Variants in MSH5 observed in about 807,000 individuals in gnomAD.
MSH5 encodes the protein mutS homolog 5.
A neutral mutation model predicts 107.7 loss-of-function variants in MSH5; 78 were observed. That is an observed-to-expected ratio of 0.72 (90% CI 0.60 to 0.87). The LOEUF is 0.87. Ranked by LOEUF, MSH5 falls within the 40% of genes least tolerant of loss-of-function variation. MSH5 has a pLI of 0.00. For synonymous variants in MSH5, 326 were observed against 399.5 expected, an observed-to-expected ratio of 0.82 and a Z score of 2.19; for missense variants, 889 against 1,046.6, an observed-to-expected ratio of 0.85 and a Z score of 2.08.
chr6:31,762,384 T>C, intron 24 of MSH5, 36 bp from the exon 25 acceptor site: 5 of 1,508,276 alleles, frequency 3.3e-6, no homozygotes, highest in Non-Finnish European at 4.6e-6. Context: ...GGTTGTCCAT[T>C]CTGCCATAAA....
At chr6:31,746,420 T>C (rs1809472789) in intron 9 of MSH5, 1 of 150,814 alleles carries the variant, frequency 6.6e-6, no homozygotes, top group Admixed American at 6.6e-5. Flanking sequence ...CATATGTGTG[T>C]TGGGCTCTTG....
At chr6:31,743,469 T>G in intron 5 of MSH5, 1 of 506,458 alleles carries the variant, frequency 2.0e-6, no homozygotes, top group Non-Finnish European at 3.5e-6. Flanking sequence ...AGTTAAAGCC[T>G]TTTATCACCA....
At position 31,759,210 on chromosome 6, in the gene MSH5, G is replaced by A; in HGVS notation, c.1407+33G>A. ...CCTCAACCTCTGTAAGGTGAGTGATGAGGAAAATGAGTCAGCAGCTGAGGA... is the reference window on the plus strand; with the variant it reads ...CCTCAACCTCTGTAAGGTGAGTGATAAGGAAAATGAGTCAGCAGCTGAGGA... On this transcript the variant is annotated intron_variant, in intron 16 of 24. Transcript: ENST00000375750. This position sits in a 1 kb window ranked among gnomAD's most constrained non-coding sequence, Gnocchi z 4.7. 6.3e-7 allele frequency: 1 copy of A among 1,581,308 alleles called. No homozygotes were observed. Among genetic ancestry groups the A allele is most frequent in the Middle Eastern group, 1.7e-4 (1 of 6,000 alleles).
At chr6:31,749,985 C>T (rs1312291603) in intron 10 of MSH5, among the ~76,000 whole-genome samples, 2 of 152,092 alleles carry the variant, frequency 1.3e-5, no homozygotes, top group Non-Finnish European at 2.9e-5. Context: ...CTCCAGGAAT[C>T]GGCAGGGTAA....
rs568820025 is a variant in MSH5, at chr6:31,744,352, A to C, written c.647+53A>C. 178 of 1,610,730 alleles carry C rather than the reference A, an allele frequency of 1.1e-4. 1 individual carries two copies. Among genetic ancestry groups the C allele is most frequent in the Non-Finnish European group, 6.9e-5 (81 of 1,177,372 alleles). On this transcript the variant is annotated intron_variant, in intron 7 of 24. Coordinates refer to ENST00000375750, the MANE Select transcript of MSH5 (RefSeq NM_172166.4). ...AAGTAATGTGGGATTGGGAGGCCTG[A>C]AAAGTAAAGTGGGGGTGGGGTGTGG...
At chr6:31,747,270 C>A in intron 9 of MSH5, 117 bp from the exon 10 acceptor site, 2 of 1,099,744 alleles carry the variant, frequency 1.8e-6, no homozygotes, top group Non-Finnish European at 1.4e-6. Flanking sequence ...CCCTCCCAGG[C>A]CAGCTTCCTC....
intron 9 of MSH5, among the ~76,000 whole-genome samples, chr6:31,745,763 AG>A (rs1809379557): frequency 7.2e-6 from 1 of 138,364 alleles, no homozygotes; most frequent in South Asian, 2.3e-4. Context: ...AGTTGTGTCC[AG>A]GTTTTTTTTT....
Position 31,761,406 on chromosome 6 carries a change from G to A in MSH5, c.2038-66G>A, listed in dbSNP as rs1581566306. On this transcript the variant is annotated intron_variant, in intron 21 of 24. Transcript: ENST00000375750. The surrounding 1 kb of genome is among the most constrained non-coding windows in gnomAD (Gnocchi z 5.3). ...ATAGAACACGAGACAGGGAAAGGCA[G>A]TGCAAGTGCAGAGGGGCATATGGGG... The A allele has an allele frequency of 6.2e-7, 1 of 1,606,654 alleles. No individual in the cohort carries two copies. The highest frequency in any genetic ancestry group is 8.5e-7 in the Non-Finnish European group (1 of 1,176,188).
Position 31,743,160 on chromosome 6 carries a change from T to C in MSH5, c.405T>C (p.Ser135=), listed in dbSNP as rs1228382683. 1 of 1,612,936 alleles carries C rather than the reference T, an allele frequency of 6.2e-7. No homozygotes were observed. Among genetic ancestry groups the C allele is most frequent in the Non-Finnish European group, 8.5e-7 (1 of 1,179,912 alleles). ...GACCTGAAATCATATTTTTGCCAAG[T>C]GTGGATTTTGGTATCTCCTTCCTTT... The part of the protein sequence containing the change: ...PKRPEIIFLP[S]VDFGLEISKQ... Residue 135 remains serine, a synonymous_variant, in exon 5 of 25, where the codon AGT becomes AGC. Transcript: ENST00000375750.
chr6:31,744,393 A>C (rs1809217467), intron 7 of MSH5, 94 bp downstream of exon 7: 1 of 1,561,918 alleles, frequency 6.4e-7, no homozygotes, highest in Non-Finnish European at 8.8e-7. Context: ...GCTGTGACCC[A>C]GTGGGTCAAG....
At chr6:31,744,165 G>C in intron 6 of MSH5, 25 bp from the exon 7 acceptor site, 1 of 1,601,626 alleles carries the variant, frequency 6.2e-7, no homozygotes, top group Non-Finnish European at 8.5e-7. Context: ...GATTTACCCC[G>C]ATTCCACTGC....
In MSH5 at chr6:31,743,436, T is replaced by C. The variant is rs1809103032; in HGVS notation, c.415+266T>C. The C allele has an allele frequency of 1.7e-5, 9 of 544,362 alleles. No individual in the cohort carries two copies. In the East Asian group the frequency reaches 2.7e-4, roughly 16 times the overall value. 33.7% of individuals were successfully genotyped at this position (544,362 alleles called of 1,614,324 possible). On this transcript the variant is annotated intron_variant, in intron 5 of 24. Coordinates refer to ENST00000375750, the MANE Select transcript of MSH5 (RefSeq NM_172166.4). ...TGGTGACACTTTTTGGACAGGGTTT[T>C]ATTGTTGGAATTCTCCCCATTAAGT... is the stretch of plus-strand genomic sequence containing the variant.
At chr6:31,753,150 G>A (rs1810113714) in intron 10 of MSH5, 151 bp from the exon 11 acceptor site, 5 of 924,288 alleles carry the variant, frequency 5.4e-6, no homozygotes, top group South Asian at 1.7e-5. Flanking sequence ...ACCTGAATGG[G>A]TAGGACACTG....
Position 31,758,472 on chromosome 6 carries a change from A to G in MSH5, c.1144-76A>G, listed in dbSNP as rs1361802429. On this transcript the variant is annotated intron_variant, in intron 13 of 24. Coordinates refer to ENST00000375750, the MANE Select transcript of MSH5 (RefSeq NM_172166.4). The surrounding 1 kb of genome is among the most constrained non-coding windows in gnomAD (Gnocchi z 5.1). The stretch of plus-strand genomic sequence containing the variant: ...TGAGAGTTAAAGGAGGACTGCAGGG[A>G]GAATTGGGGCCCAAGGAGAGCTGAG... 1 of 1,580,270 alleles carries G rather than the reference A, an allele frequency of 6.3e-7. No individual in the cohort carries two copies. The highest frequency in any genetic ancestry group is 8.7e-7 in the Non-Finnish European group (1 of 1,151,526).
At position 31,758,062 on chromosome 6, in the gene MSH5, C is replaced by T; in HGVS notation, c.1015-103C>T. On this transcript the variant is annotated intron_variant, in intron 12 of 24. Transcript: ENST00000375750. The surrounding 1 kb of genome is among the most constrained non-coding windows in gnomAD (Gnocchi z 5.1). ...CCTTTGAGATCTTCCCTCTTTGTTACTGTGATCTTCCCTACTGGTCTTTGT... is the reference window on the plus strand; with the variant it reads ...CCTTTGAGATCTTCCCTCTTTGTTATTGTGATCTTCCCTACTGGTCTTTGT... 1.4e-6 allele frequency: 2 copies of T among 1,431,360 alleles called. No individual in the cohort carries two copies. The highest frequency in any genetic ancestry group is 9.7e-7 in the Non-Finnish European group (1 of 1,033,708). 88.7% of individuals were successfully genotyped at this position (1,431,360 alleles called of 1,614,324 possible).
chr6:31,757,774 A>AT, intron 12 of MSH5: 1 of 259,896 alleles, frequency 3.8e-6, no homozygotes, highest in Non-Finnish European at 7.3e-6. Flanking sequence ...GGTTCAAGAG[A>AT]TTCTCCTGCC....
chr6:31,744,437 A>G, intron 7 of MSH5, 109 bp from the exon 8 acceptor site: 1 of 1,546,758 alleles, frequency 6.5e-7, no homozygotes, highest in Non-Finnish European at 8.9e-7. Flanking sequence ...CTAAGGGCTA[A>G]TGAGACTTTG....
chr6:31,759,486 T>C lies in MSH5; in HGVS notation c.1469T>C (p.Leu490Pro). The C allele has an allele frequency of 1.2e-6, 2 of 1,612,576 alleles. No individual in the cohort carries two copies. Among genetic ancestry groups the C allele is most frequent in the Non-Finnish European group, 1.7e-6 (2 of 1,179,976 alleles). Residue 490 changes from leucine to proline, a missense_variant, in exon 17 of 25, where the codon CTG (leucine) becomes CCG (proline). Physicochemically the swap from Leu to Pro is moderately conservative, Grantham distance 98. Around this residue, in one of 3 missense-constraint regions of MSH5, gnomAD observed 362 missense variants for 456.2 expected, o/e 0.79. Transcript: ENST00000375750. The surrounding 1 kb of genome is among the most constrained non-coding windows in gnomAD (Gnocchi z 4.7). ...CGAACCAAGGAGCTGGATGCATTGC[T>C]GGGGGACCTGCACTGCGAGATCCGG... ...SARTKELDAL[L>P]GDLHCEIRDQ...
Position 31,743,185 on chromosome 6 carries a change from T to C in MSH5, c.415+15T>C. On this transcript the variant is annotated intron_variant, in intron 5 of 24. Transcript: ENST00000375750. ...TGTGGATTTTGGTATCTCCTTCCTT[T>C]TGCTTTGCCTAACTCCCTGTTCCGG... 1 of 1,612,364 alleles carries C rather than the reference T, an allele frequency of 6.2e-7. No homozygotes were observed. Among genetic ancestry groups the C allele is most frequent in the Non-Finnish European group, 8.5e-7 (1 of 1,179,472 alleles).
Sources: allele counts gnomAD v4.1 joint callset (sites outside exome capture counted in the v4.1 genomes callset), GRCh38; gene constraint gnomAD v4.1.1; regional missense constraint gnomAD v4.1.1; non-coding constraint Gnocchi (gnomAD v3.1); transcripts MANE v1.5; gene names NCBI Gene and HGNC (gene_info 2026-07-23, HGNC 2026-07-21).